The following GPR176 variants were observed in gnomAD, a reference collection of about 807,000 sequenced individuals.
GPR176 encodes the protein G-protein coupled receptor 176.
In GPR176, 26 loss-of-function variants were observed where a neutral mutation model predicts 35.4. The observed-to-expected ratio is 0.74, with a 90% CI of 0.54 to 1.02. The LOEUF (loss-of-function observed/expected upper bound fraction) is 1.02. Ranked by LOEUF, GPR176 falls within the 50% of genes least tolerant of loss-of-function variation. The pLI, the probability that GPR176 is intolerant of heterozygous loss-of-function variation, is 0.00. For synonymous variants in GPR176, 278 were observed against 271.3 expected (o/e 1.02, Z -0.24); for missense variants, 597 against 665.3 (o/e 0.90, Z 1.13).
At chr15:39,864,073 C>T (rs943913674) in intron 1 of GPR176, among the ~76,000 whole-genome samples, 1 of 152,078 alleles carries the variant, frequency 6.6e-6, no homozygotes, top group African/African-American at 2.4e-5. Context: ...TACAAAACAA[C>T]CCCTACTAAG....
At chr15:39,913,039 A>G (rs2033621085) in intron 1 of GPR176, among the ~76,000 whole-genome samples, 2 of 152,256 alleles carry the variant, frequency 1.3e-5, no homozygotes, top group Admixed American at 6.5e-5. Flanking sequence ...ATAATTGCCA[A>G]AAAGTAGAAA....
intron 1 of GPR176, among the ~76,000 whole-genome samples, chr15:39,843,044 T>TA (rs78166817): frequency 6.0e-4 from 87 of 143,976 alleles, no homozygotes; most frequent in Admixed American, 1.2e-3. Context: ...TTCACACTAT[T>TA]AAAAAAAAAA....
At chr15:39,886,527 G>A (rs2032681821) in intron 1 of GPR176, among the ~76,000 whole-genome samples, 1 of 152,136 alleles carries the variant, frequency 6.6e-6, no homozygotes, top group Non-Finnish European at 1.5e-5. Context: ...CAAATGGTCT[G>A]AAACATCTAA....
intron 1 of GPR176, among the ~76,000 whole-genome samples, chr15:39,848,916 A>G (rs754966484): frequency 2.3e-5 from 2 of 88,028 alleles, no homozygotes; most frequent in Non-Finnish European, 2.4e-5. Context: ...AAAGCAAAGT[A>G]AAAAAAAAAA....
intron 1 of GPR176, among the ~76,000 whole-genome samples, chr15:39,878,135 T>TGTGTGTGTG (rs1555408567): frequency 4.1e-4 from 61 of 148,810 alleles, no homozygotes; most frequent in East Asian, 7.9e-4. Context: ...TGTGTGTGTG[T>TGTGTGTGTG]TGAGAACATT....
At chr15:39,848,798 T>A (rs2030631899) in intron 1 of GPR176, among the ~76,000 whole-genome samples, 2 of 151,586 alleles carry the variant, frequency 1.3e-5, no homozygotes, top group Admixed American at 1.3e-4. Flanking sequence ...TATCAAAATT[T>A]GTGGGACATA....
intron 1 of GPR176, among the ~76,000 whole-genome samples, chr15:39,895,288 GA>G (rs2033076346): frequency 1.7e-5 from 1 of 58,158 alleles, no homozygotes; most frequent in African/African-American, 5.5e-5. Context: ...GTGGGGAGAG[GA>G]AGAGGGGGAG....
intron 1 of GPR176, among the ~76,000 whole-genome samples, chr15:39,824,515 G>T (rs1402084589): frequency 6.6e-6 from 1 of 152,170 alleles, no homozygotes; most frequent in Non-Finnish European, 1.5e-5. Flanking sequence ...TTTCTTGTTT[G>T]TAGCAATTAT....
At chr15:39,837,419 T>G (rs527262043) in intron 1 of GPR176, among the ~76,000 whole-genome samples, 1 of 152,298 alleles carries the variant, frequency 6.6e-6, no homozygotes, top group African/African-American at 2.4e-5. Flanking sequence ...GATAGCTTTC[T>G]TTTGTGTAGG....
At position 39,801,547 on chromosome 15, in the gene GPR176, T is replaced by C. The variant is rs1898858863; in HGVS notation, c.1133A>G (p.Gln378Arg). The change falls in exon 3 of 3, where the codon CAG becomes CGG. Residue 378 changes from glutamine to arginine, a missense_variant. This residue lies in a region of GPR176 where 251 missense variants were observed against 255.4 expected (regional missense o/e 0.98). Transcript: ENST00000561100. ...QLLEMFHIGQQQIFKPTEDEE... is the reference protein window; with the variant it reads ...QLLEMFHIGQRQIFKPTEDEE... ...ATCCTCTGTGGGCTTAAAGATCTGC[T>C]GCTGCCCAATGTGGAACATCTCCAG... 7 of 1,614,192 alleles carry C rather than the reference T, an allele frequency of 4.3e-6. No homozygotes were observed. The East Asian group carries it at 1.3e-4, about 31-fold the overall frequency.
chr15:39,890,709 C>T (rs1373805104), intron 1 of GPR176, among the ~76,000 whole-genome samples: 1 of 152,192 alleles, frequency 6.6e-6, no homozygotes, highest in Admixed American at 6.5e-5. Flanking sequence ...CAAAGGAACC[C>T]TTACTGACTC....
intron 1 of GPR176, among the ~76,000 whole-genome samples, chr15:39,811,847 C>T (rs542112104): frequency 2.0e-5 from 3 of 150,474 alleles, no homozygotes; most frequent in South Asian, 2.1e-4. Context: ...ACCTGGGAGG[C>T]GGAGCTTGCA....
intron 1 of GPR176, among the ~76,000 whole-genome samples, chr15:39,902,161 A>G (rs982275264): frequency 2.0e-5 from 3 of 152,106 alleles, no homozygotes; most frequent in African/African-American, 7.2e-5. Flanking sequence ...AAACTCAATA[A>G]TTTGCATTTT....
At chr15:39,862,487 T>A (rs2031642288) in intron 1 of GPR176, 1 of 152,214 alleles carries the variant, frequency 6.6e-6, no homozygotes, top group Admixed American at 6.5e-5. Flanking sequence ...CTACAGTTAG[T>A]TTCAGGTCAC....
chr15:39,801,101 C>T lies in GPR176; in HGVS notation c.*31G>A. 6.5e-7 allele frequency: 1 copy of T among 1,544,968 alleles called. No homozygotes were observed. The highest frequency in any genetic ancestry group is 8.8e-7 in the Non-Finnish European group (1 of 1,138,650). ...ACACTCTGGTGGGAATATGGAAGCT[C>T]CCCGTTGCTTCCAAGAATTTACAAT... On this transcript the variant is annotated 3_prime_UTR_variant, in exon 3 of 3. Transcript: ENST00000561100.
intron 1 of GPR176, among the ~76,000 whole-genome samples, chr15:39,864,533 TAAAAATACTAGAAG>T (rs1324879503): frequency 2.6e-5 from 4 of 152,046 alleles, no homozygotes; most frequent in East Asian, 3.9e-4. Context: ...CTAAGAACTA[TAAAAATACTAGAAG>T]AAAACCTAGG....
intron 1 of GPR176, among the ~76,000 whole-genome samples, chr15:39,915,545 G>A (rs1671371022): frequency 6.6e-6 from 1 of 152,148 alleles, no homozygotes; most frequent in South Asian, 2.1e-4. Flanking sequence ...TTGCGGTCTA[G>A]CCAGACAAAG....
chr15:39,831,994 GCACACA>G (rs59388406), intron 1 of GPR176, among the ~76,000 whole-genome samples: 3,349 of 146,884 alleles, frequency 0.023, 46 homozygotes, highest in South Asian at 0.049. Context: ...ACATGTGCAT[GCACACA>G]CACACACACA....
chr15:39,883,328 T>C (rs1196004880), intron 1 of GPR176, among the ~76,000 whole-genome samples: 1 of 152,200 alleles, frequency 6.6e-6, no homozygotes, highest in Non-Finnish European at 1.5e-5. Context: ...AGAATTATAC[T>C]ATCTTTCACT....
Sources: gnomAD v4.1 joint callset for allele counts (sites outside exome capture counted in the v4.1 genomes callset) on GRCh38, gnomAD v4.1.1 for gene constraint, gnomAD v4.1.1 regional missense constraint, MANE v1.5 for transcripts, NCBI Gene and HGNC (gene_info 2026-07-23, HGNC 2026-07-21) for gene names.